CMYA5: variants seen among roughly 807,000 people sequenced by gnomAD.
CMYA5 encodes the protein cardiomyopathy associated 5.
In CMYA5, 246 loss-of-function variants were observed where a neutral mutation model predicts 318.9. That is an observed-to-expected ratio of 0.77 (90% CI 0.70 to 0.86). The LOEUF (loss-of-function observed/expected upper bound fraction) is 0.86. Among genes scored for constraint, CMYA5 ranks in the 40% least tolerant of loss-of-function variants. The pLI, the probability that CMYA5 is intolerant of heterozygous loss-of-function variation, is 0.00. For missense variants in CMYA5, 4,589 were observed against 4,678.2 expected (o/e 0.98, Z 0.56); for synonymous variants, 1,641 against 1,729.5 (o/e 0.95, Z 1.27).
At chr5:79,697,472 A>G (rs1827089731) in intron 1 of CMYA5, among the ~76,000 whole-genome samples, 2 of 152,252 alleles carry the variant, frequency 1.3e-5, no homozygotes, top group South Asian at 4.1e-4. Flanking sequence ...TGATGAGTGA[A>G]CAGAGGCCCA....
rs1037582412 is a variant in CMYA5 at position 79,689,839 on chromosome 5, C to G, written c.-69C>G. 1.6e-6 allele frequency: 1 copy of G among 612,686 alleles called. No individual in the cohort carries two copies. Among genetic ancestry groups the G allele is most frequent in the Admixed American group, 2.6e-5 (1 of 38,392 alleles). The allele number at this position is 612,686 out of a possible 1,614,324, so 38.0% of individuals were successfully genotyped here. A position where few individuals can be genotyped will look rare whatever the true frequency, so the allele number is the denominator to read the frequency against. Reference sequence around the variant, plus strand: ...TGGGGAGGGCAGGGGCCAGAGCAGTCGGAGGGAGAACACCAGGCGCGGCGC... The same window carrying G: ...TGGGGAGGGCAGGGGCCAGAGCAGTGGGAGGGAGAACACCAGGCGCGGCGC... On this transcript the variant is annotated 5_prime_UTR_variant, in exon 1 of 13. Coordinates refer to ENST00000446378, the MANE Select transcript of CMYA5 (RefSeq NM_153610.5).
intron 5 of CMYA5, among the ~76,000 whole-genome samples, 172 bp downstream of exon 5, chr5:79,747,285 GA>G (rs1258329424): frequency 6.6e-6 from 1 of 152,166 alleles, no homozygotes; most frequent in Non-Finnish European, 1.5e-5. Context: ...AGCTTTGAAA[GA>G]AAACTGCATG....
chr5:79,769,192 C>T (rs1404310645), intron 9 of CMYA5, among the ~76,000 whole-genome samples: 1 of 151,930 alleles, frequency 6.6e-6, no homozygotes, highest in African/African-American at 2.4e-5. Context: ...GTTAGAAATT[C>T]CTCTAACCTT....
rs754096436 is a variant in CMYA5 at position 79,752,745 on chromosome 5, T to C, written c.11061T>C (p.His3687=). 2 of 1,613,774 alleles carry C rather than the reference T, an allele frequency of 1.2e-6. No individual in the cohort carries two copies. The highest frequency in any genetic ancestry group is 1.7e-6 in the Non-Finnish European group (2 of 1,179,704). The change falls in exon 6 of 13, where the codon CAT becomes CAC. Residue 3687 remains histidine (H), a synonymous_variant. Transcript: ENST00000446378. ...CTGCTGCGTTTTCCCTTTTCGAACA[T>C]TATGATGACAGCTCGGCAAGAAGTG... ...KMPAAFSLFE[H]YDDSSARSDQ...
intron 1 of CMYA5, among the ~76,000 whole-genome samples, chr5:79,721,369 G>T (rs1827624742): frequency 6.6e-6 from 1 of 151,952 alleles, no homozygotes; most frequent in Non-Finnish European, 1.5e-5. Context: ...AGAGAAAAAG[G>T]AATATAGAAT....
intron 1 of CMYA5, among the ~76,000 whole-genome samples, chr5:79,724,445 C>G (rs1425974455): frequency 2.6e-5 from 4 of 152,168 alleles, no homozygotes; most frequent in Non-Finnish European, 5.9e-5. Flanking sequence ...GAAAGGGGAG[C>G]CTTTGACATC....
At position 79,797,867 on chromosome 5, in the gene CMYA5, A is replaced by T. The variant is rs576868117; in HGVS notation, c.11964-1503A>T. On this transcript the variant is annotated intron_variant, in intron 12 of 12. Transcript: ENST00000446378. ...CCTTACCATCACTGCTGCTGCCCTT[A>T]CTGTGTGGATTTTTCTCCTTCTTTT... 1.3e-5 allele frequency among the ~76,000 whole-genome samples: 2 copies of T among 152,094 alleles called. 1 individual carries two copies. Among genetic ancestry groups the T allele is most frequent in the African/African-American group, 4.8e-5 (2 of 41,504 alleles).
intron 9 of CMYA5, among the ~76,000 whole-genome samples, chr5:79,765,420 C>T (rs925858065): frequency 1.3e-5 from 2 of 152,112 alleles, no homozygotes; most frequent in Non-Finnish European, 2.9e-5. Flanking sequence ...AGTCAGGTAG[C>T]ATGATGCCTC....
At chr5:79,751,561 T>A (rs549680024) in intron 5 of CMYA5, among the ~76,000 whole-genome samples, 1 of 152,180 alleles carries the variant, frequency 6.6e-6, no homozygotes, top group Non-Finnish European at 1.5e-5. Context: ...TTTATAATAT[T>A]TTTCCTTCAT....
chr5:79,735,816 A>G lies in CMYA5; in HGVS notation c.7051A>G (p.Ile2351Val), dbSNP rs773853353. Reference sequence around the variant, plus strand: ...TAGTAAAAGAGTCCAGAAGCCAGCAATCGCTCCTCCATCTAAATGGAATAT... The same window carrying G: ...TAGTAAAAGAGTCCAGAAGCCAGCAGTCGCTCCTCCATCTAAATGGAATAT... ...TDSKRVQKPA[I>V]APPSKWNISI... is the part of the protein sequence containing the mutation. The change falls in exon 2 of 13, where the codon ATC becomes GTC. Residue 2351 changes from isoleucine to valine, a missense_variant. By Grantham distance (29) the Ile-to-Val change is conservative. This residue lies in a region of CMYA5 where 2,431 missense variants were observed against 2,495.1 expected (regional missense o/e 0.97). Transcript: ENST00000446378. 15 of 1,550,274 alleles carry G rather than the reference A, an allele frequency of 9.7e-6. No homozygotes were observed. The highest frequency in any genetic ancestry group is 1.7e-4 in the Middle Eastern group (1 of 5,746).
intron 1 of CMYA5, among the ~76,000 whole-genome samples, chr5:79,704,388 C>T (rs970730951): frequency 1.3e-5 from 2 of 151,874 alleles, no homozygotes; most frequent in African/African-American, 4.8e-5. Flanking sequence ...CAAAGTAGAG[C>T]GACCAGAATC....
intron 7 of CMYA5, among the ~76,000 whole-genome samples, chr5:79,759,259 G>A (rs1256163467): frequency 6.6e-6 from 1 of 152,186 alleles, no homozygotes; most frequent in African/African-American, 2.4e-5. Flanking sequence ...TTAACAGTAC[G>A]AAAGCCTGAA....
At chr5:79,721,840 A>G (rs1320267475) in intron 1 of CMYA5, among the ~76,000 whole-genome samples, 7 of 152,238 alleles carry the variant, frequency 4.6e-5, no homozygotes, top group Admixed American at 4.6e-4. Context: ...TCAAATATTT[A>G]CAGAACCATA....
intron 1 of CMYA5, among the ~76,000 whole-genome samples, chr5:79,699,930 A>G (rs1242437938): frequency 6.6e-6 from 1 of 152,212 alleles, no homozygotes; most frequent in Non-Finnish European, 1.5e-5. Flanking sequence ...GTCCCTGGAC[A>G]CCATCCTAGG....
Position 79,689,958 on chromosome 5 carries a change from C to A in CMYA5, c.51C>A (p.Asp17Glu). The A allele has an allele frequency of 8.7e-7, 1 of 1,150,284 alleles. No individual in the cohort carries two copies. The highest frequency in any genetic ancestry group is 1.3e-6 in the Non-Finnish European group (1 of 787,698). 71.3% of individuals were successfully genotyped at this position (1,150,284 alleles called of 1,614,324 possible). Residue 17 changes from aspartate to glutamate, a missense_variant, in exon 1 of 13, where the codon GAC becomes GAA. Asp to Glu is a conservative substitution (Grantham distance 45). This residue lies in a region of CMYA5 where 2,132 missense variants were observed against 2,131.3 expected (regional missense o/e 1.00). Transcript: ENST00000446378. Reference protein sequence around the residue: ...NHAGESFLGSDGDEEATRELE... With the variant: ...NHAGESFLGSEGDEEATRELE... ...CTGGCGAGAGCTTTCTCGGCTCCGA[C>A]GGGGACGAGGAGGCGACCCGGGAGC...
chr5:79,722,566 A>G (rs1476234347), intron 1 of CMYA5, among the ~76,000 whole-genome samples: 1 of 151,552 alleles, frequency 6.6e-6, no homozygotes, highest in African/African-American at 2.4e-5. Context: ...AATCCCAGCT[A>G]CTTTGGGAGG....
chr5:79,753,459 A>G (rs1828469835), intron 6 of CMYA5, among the ~76,000 whole-genome samples: 1 of 152,150 alleles, frequency 6.6e-6, no homozygotes, highest in Admixed American at 6.6e-5. Context: ...TGTCCTCCTT[A>G]AAAGATGCTG....
chr5:79,760,216 C>T (rs990890994), intron 7 of CMYA5, among the ~76,000 whole-genome samples: 3 of 151,544 alleles, frequency 2.0e-5, no homozygotes, highest in African/African-American at 4.9e-5. Context: ...TGGGTTTCAC[C>T]CCCACCCCAA....
At chr5:79,752,068 G>A (rs16877166) in intron 5 of CMYA5, among the ~76,000 whole-genome samples, 6,210 of 152,238 alleles carry the variant, frequency 0.041, 303 homozygotes, top group African/African-American at 0.11. Context: ...AGCTAATGAG[G>A]GTGTTGAGTC....
Sources: gnomAD v4.1 joint callset for allele counts (sites outside exome capture counted in the v4.1 genomes callset) on GRCh38, gnomAD v4.1.1 for gene constraint, gnomAD v4.1.1 regional missense constraint, MANE v1.5 for transcripts, NCBI Gene and HGNC (gene_info 2026-07-23, HGNC 2026-07-21) for gene names.